LRMDA: variants seen among roughly 807,000 people sequenced by gnomAD.
LRMDA encodes leucine rich melanocyte differentiation associated, also known as leucine-rich melanocyte differentiation-associated protein.
In LRMDA, 18 loss-of-function variants were observed where a neutral mutation model predicts 29.8. The observed-to-expected ratio is 0.60, with a 90% CI of 0.42 to 0.90. LRMDA has a LOEUF of 0.90. Among genes scored for constraint, LRMDA ranks in the 40% least tolerant of loss-of-function variants. The pLI is 0.00. For missense variants in LRMDA, 273 were observed against 273.9 expected, an observed-to-expected ratio of 1.00 and a Z score of 0.02; for synonymous variants, 125 against 109.4, an observed-to-expected ratio of 1.14 and a Z score of -0.89.
At chr10:76,145,569 A>T (rs1468776083) in intron 5 of LRMDA, among the ~76,000 whole-genome samples, 1 of 151,488 alleles carries the variant, frequency 6.6e-6, no homozygotes, top group Non-Finnish European at 1.5e-5. Context: ...CGTCTATTTG[A>T]TTCTTCTCTC....
chr10:75,581,411 A>G (rs894362256), intron 2 of LRMDA, among the ~76,000 whole-genome samples: 1 of 152,222 alleles, frequency 6.6e-6, no homozygotes, highest in Non-Finnish European at 1.5e-5. Context: ...AAAAGTCAGG[A>G]AACAACAGAT....
intron 2 of LRMDA, among the ~76,000 whole-genome samples, chr10:75,957,210 T>A (rs1301282519): frequency 6.6e-6 from 1 of 152,252 alleles, no homozygotes; most frequent in Non-Finnish European, 1.5e-5. Context: ...TTTGAGTACA[T>A]TTAGCTGAAC....
chr10:75,463,728 C>T (rs540877765), intron 2 of LRMDA, among the ~76,000 whole-genome samples: 5 of 152,132 alleles, frequency 3.3e-5, no homozygotes, highest in East Asian at 3.9e-4. Context: ...AGTGCAATGG[C>T]GCGATCTTGG....
chr10:76,040,880 A>T (rs947562588), intron 3 of LRMDA, among the ~76,000 whole-genome samples: 1 of 152,236 alleles, frequency 6.6e-6, no homozygotes. Flanking sequence ...AGTTTGGATT[A>T]TAGTGCCAGC....
At chr10:75,799,828 A>G (rs1242690479) in intron 2 of LRMDA, among the ~76,000 whole-genome samples, 2 of 151,732 alleles carry the variant, frequency 1.3e-5, no homozygotes, top group Non-Finnish European at 2.9e-5. Context: ...TTTGATCAGC[A>G]TGTTGTTTTT....
chr10:76,559,368 C>G lies in LRMDA; in HGVS notation c.*2080C>G, dbSNP rs532717885. The G allele has an allele frequency of 6.6e-6, 1 of 152,168 alleles. No homozygotes were observed. Among genetic ancestry groups the G allele is most frequent in the South Asian group, 2.1e-4 (1 of 4,822 alleles). 9.4% of individuals were successfully genotyped at this position (152,168 alleles called of 1,614,324 possible). The stretch of plus-strand genomic sequence containing the variant: ...AGTGAGTTATTGACCACATTGTTTC[C>G]CTCTCTTTGGGTTGTTTATTTTCTT... On this transcript the variant is annotated 3_prime_UTR_variant, in exon 7 of 7. Coordinates refer to ENST00000611255, the MANE Select transcript of LRMDA (RefSeq NM_001305581.2).
At chr10:76,424,703 G>A (rs1437929728) in intron 6 of LRMDA, among the ~76,000 whole-genome samples, 1 of 152,142 alleles carries the variant, frequency 6.6e-6, no homozygotes, top group African/African-American at 2.4e-5. Flanking sequence ...TAATAAAATG[G>A]CAATTGCAGC....
At chr10:75,754,281 T>C (rs1843001214) in intron 2 of LRMDA, among the ~76,000 whole-genome samples, 1 of 152,178 alleles carries the variant, frequency 6.6e-6, no homozygotes, top group Admixed American at 6.5e-5. Context: ...AATTCATGCT[T>C]CTGTTATGGG....
At chr10:76,384,261 A>T (rs564308595) in intron 6 of LRMDA, among the ~76,000 whole-genome samples, 3 of 152,292 alleles carry the variant, frequency 2.0e-5, no homozygotes, top group South Asian at 4.1e-4. Context: ...ACTCTTATAC[A>T]TTTATCTATT....
chr10:76,147,237 G>A (rs1404905753), intron 5 of LRMDA, among the ~76,000 whole-genome samples: 1 of 152,134 alleles, frequency 6.6e-6, no homozygotes, highest in African/African-American at 2.4e-5. Flanking sequence ...GGCCTGCCTT[G>A]CTAGATTGGG....
intron 6 of LRMDA, among the ~76,000 whole-genome samples, chr10:76,386,829 T>A (rs1841665422): frequency 6.6e-6 from 1 of 152,040 alleles, no homozygotes; most frequent in Admixed American, 6.5e-5. Flanking sequence ...ATTTTATTCC[T>A]TTATTATAGG....
chr10:76,166,642 C>T (rs1226276971), intron 5 of LRMDA, among the ~76,000 whole-genome samples: 1 of 152,192 alleles, frequency 6.6e-6, no homozygotes, highest in African/African-American at 2.4e-5. Flanking sequence ...CTGCAGAGGA[C>T]ATGATCTTGT....
chr10:75,891,985 C>T (rs915413843), intron 2 of LRMDA, among the ~76,000 whole-genome samples: 3 of 152,098 alleles, frequency 2.0e-5, no homozygotes, highest in Non-Finnish European at 2.9e-5. Context: ...TTGGGAGTTT[C>T]TGTCAGTATG....
At chr10:75,874,787 A>G (rs1381744554) in intron 2 of LRMDA, among the ~76,000 whole-genome samples, 1 of 152,248 alleles carries the variant, frequency 6.6e-6, no homozygotes, top group Non-Finnish European at 1.5e-5. Context: ...CAAATATATA[A>G]TAGTATATAC....
intron 2 of LRMDA, among the ~76,000 whole-genome samples, chr10:75,515,162 C>A (rs1307206905): frequency 1.3e-5 from 2 of 152,170 alleles, no homozygotes; most frequent in Admixed American, 1.3e-4. Context: ...TAGGAAATAT[C>A]CAGAATAGGT....
chr10:76,155,451 C>T (rs565344795), intron 5 of LRMDA, among the ~76,000 whole-genome samples: 5 of 152,134 alleles, frequency 3.3e-5, no homozygotes, highest in South Asian at 2.1e-4. Context: ...AAGGGTAGAT[C>T]GTCACTTACC....
chr10:76,146,635 A>G (rs542057243), intron 5 of LRMDA, among the ~76,000 whole-genome samples: 330 of 151,820 alleles, frequency 2.2e-3, no homozygotes, highest in African/African-American at 7.3e-3. Flanking sequence ...GGTCTTGACT[A>G]TCCAATTTGC....
At chr10:76,057,701 A>G in intron 4 of LRMDA, among the ~76,000 whole-genome samples, 1 of 152,178 alleles carries the variant, frequency 6.6e-6, no homozygotes, top group East Asian at 1.9e-4. Context: ...ATTCCCTTGG[A>G]GATAATCCAT....
intron 6 of LRMDA, among the ~76,000 whole-genome samples, chr10:76,485,903 G>A (rs1431912087): frequency 1.3e-5 from 2 of 151,782 alleles, no homozygotes; most frequent in East Asian, 3.9e-4. Context: ...TAGCTCCCAG[G>A]CTAGGATATA....
Sources: allele counts gnomAD v4.1 joint callset (sites outside exome capture counted in the v4.1 genomes callset), GRCh38; gene constraint gnomAD v4.1.1; transcripts MANE v1.5; gene names NCBI Gene and HGNC (gene_info 2026-07-23, HGNC 2026-07-21).